The following TRPM1 variants were observed in gnomAD, a reference collection of about 807,000 sequenced individuals.
TRPM1 encodes the protein TRPM1-203 APA Isoform, Intron 10.
TRPM1 carries 113 observed loss-of-function variants against 149.4 expected under a neutral mutation model. That is an observed-to-expected ratio of 0.76 (90% confidence interval 0.65 to 0.88). The LOEUF is 0.88. Ranked by LOEUF, TRPM1 falls within the 40% of genes least tolerant of loss-of-function variation. The pLI is 0.00. For synonymous variants in TRPM1, 741 were observed against 759.5 expected (o/e 0.98, Z 0.40); for missense variants, 1,976 against 2,038.7 (o/e 0.97, Z 0.59).
chr15:31,130,841 C>T lies in TRPM1; in HGVS notation c.54+30065G>A, dbSNP rs181400381. On this transcript the variant is annotated intron_variant, in intron 1 of 26. Transcript: ENST00000542188. ...ATTATCCTTAAAAGACCCTAGTCTC[C>T]GAATGTTCAGGGAGACTGATTTGAG... Among the ~76,000 whole-genome samples the T allele has an allele frequency of 7.9e-5, 12 of 152,206 alleles. No homozygotes were observed. In the East Asian group the frequency reaches 2.1e-3, roughly 27 times the overall value.
At chr15:31,090,798 A>G (rs2035215289) in intron 1 of TRPM1, among the ~76,000 whole-genome samples, 2 of 152,082 alleles carry the variant, frequency 1.3e-5, no homozygotes, top group South Asian at 2.1e-4. Flanking sequence ...AGTGTGGTGG[A>G]AGGAGAACTT....
At chr15:31,061,067 G>A (rs1312748607) in intron 10 of TRPM1, among the ~76,000 whole-genome samples, 2 of 152,196 alleles carry the variant, frequency 1.3e-5, no homozygotes, top group African/African-American at 4.8e-5. Context: ...CTCCCCGCCC[G>A]GCCATGAACG....
Position 31,061,497 on chromosome 15 carries a change from C to G in TRPM1, c.1107G>C (p.Met369Ile). 6.2e-7 allele frequency: 1 copy of G among 1,614,048 alleles called. No individual in the cohort carries two copies. The highest frequency in any genetic ancestry group is 2.2e-5 in the East Asian group (1 of 44,872). ...CGATGTCCTGCTGGCCCTCAGAACCCATTCTGAACACAGTGACCTGAAAAT... is the reference window on the plus strand; with the variant it reads ...CGATGTCCTGCTGGCCCTCAGAACCGATTCTGAACACAGTGACCTGAAAAT... ...KKKELVTVFR[M>I]GSEGQQDIEM... The change falls in exon 10 of 28, where the codon ATG (methionine) becomes ATC (isoleucine). Residue 369 changes from methionine (M) to isoleucine (I), a missense_variant. This residue lies in a region of TRPM1 where 1,332 missense variants were observed against 1,347.1 expected (regional missense o/e 0.99). Transcript: ENST00000256552.
chr15:31,089,511 G>C (rs2035159126), intron 1 of TRPM1, among the ~76,000 whole-genome samples: 1 of 152,232 alleles, frequency 6.6e-6, no homozygotes, highest in African/African-American at 2.4e-5. Flanking sequence ...GGGGAGGCCT[G>C]TGTGCAATAG....
chr15:31,098,408 C>T (rs780329485), intron 1 of TRPM1, among the ~76,000 whole-genome samples: 1 of 152,136 alleles, frequency 6.6e-6, no homozygotes, highest in Non-Finnish European at 1.5e-5. Context: ...CCAGCCTGAG[C>T]AACAGAGCAA....
intron 1 of TRPM1, among the ~76,000 whole-genome samples, chr15:31,143,533 G>A (rs1179390889): frequency 6.6e-6 from 1 of 151,986 alleles, no homozygotes; most frequent in South Asian, 2.1e-4. Flanking sequence ...TCCTACCTCC[G>A]CCTCCTGAGT....
rs1198181594 is a variant in TRPM1 at position 31,037,852 on chromosome 15, A to G, written c.2440-10T>C. On this transcript the variant is annotated splice_polypyrimidine_tract_variant and intron_variant, in intron 19 of 27. Transcript: ENST00000256552. Reference sequence around the variant, plus strand: ...CATCTGCATTTGCATCCTGGAAAACAGAGCACAGCACATGACAGGCAGGTG... The same window carrying G: ...CATCTGCATTTGCATCCTGGAAAACGGAGCACAGCACATGACAGGCAGGTG... The G allele has an allele frequency of 1.2e-6, 2 of 1,614,032 alleles. No homozygotes were observed. Among genetic ancestry groups the G allele is most frequent in the African/African-American group, 1.3e-5 (1 of 74,940 alleles).
intron 1 of TRPM1, among the ~76,000 whole-genome samples, chr15:31,145,924 A>C (rs962679298): frequency 2.4e-4 from 37 of 152,030 alleles, no homozygotes; most frequent in Admixed American, 1.8e-3. Context: ...AGATACAAAA[A>C]AAAAACAAAA....
intron 1 of TRPM1, among the ~76,000 whole-genome samples, chr15:31,150,428 T>C (rs1422679284): frequency 6.9e-6 from 1 of 144,268 alleles, no homozygotes; most frequent in African/African-American, 2.6e-5. Flanking sequence ...GAATTTTTTC[T>C]TTTCCTTTTT....
intron 1 of TRPM1, among the ~76,000 whole-genome samples, chr15:31,088,317 A>G (rs574475154): frequency 2.6e-5 from 4 of 152,352 alleles, no homozygotes; most frequent in East Asian, 1.9e-4. Flanking sequence ...AGCCCTGGCA[A>G]TCCGCTCGGG....
intron 1 of TRPM1, among the ~76,000 whole-genome samples, chr15:31,095,445 G>A (rs928861556): frequency 3.9e-5 from 6 of 152,166 alleles, no homozygotes; most frequent in Non-Finnish European, 7.3e-5. Flanking sequence ...AGCACTTTGG[G>A]AGGCCGAGGC....
chr15:31,157,792 C>A (rs11631001), intron 1 of TRPM1, among the ~76,000 whole-genome samples: 55,532 of 151,916 alleles, frequency 0.37, 10,328 homozygotes, highest in Admixed American at 0.48. Context: ...AGCTGGCCAG[C>A]CAAGGACAAA....
intron 11 of TRPM1, among the ~76,000 whole-genome samples, chr15:31,056,285 G>T (rs1055106802): frequency 6.6e-6 from 1 of 152,182 alleles, no homozygotes; most frequent in African/African-American, 2.4e-5. Flanking sequence ...TCACAGAGCT[G>T]ATTCAGGTCT....
intron 1 of TRPM1, among the ~76,000 whole-genome samples, chr15:31,149,864 C>G (rs2036276128): frequency 6.6e-6 from 1 of 152,212 alleles, no homozygotes. Flanking sequence ...CTGCCAATTT[C>G]TTCAATTCTG....
In TRPM1 at chr15:31,146,645, A is replaced by G. The variant is rs150995075; in HGVS notation, c.54+14261T>C. On this transcript the variant is annotated intron_variant, in intron 1 of 26. Coordinates refer to the TRPM1 transcript ENST00000542188. ...ATATTAACCAATCCATGAGTTTTCT[A>G]TTTTTTAGTCTCCCGGTCCCTGCAT... is the stretch of plus-strand genomic sequence containing the variant. 3.5e-3 allele frequency among the ~76,000 whole-genome samples: 530 copies of G among 152,324 alleles called. 3 individuals carry two copies. The highest frequency in any genetic ancestry group is 0.012 in the African/African-American group (509 of 41,560).
chr15:31,098,936 A>G (rs2035454857), intron 1 of TRPM1, among the ~76,000 whole-genome samples: 2 of 152,256 alleles, frequency 1.3e-5, no homozygotes, highest in South Asian at 2.1e-4. Context: ...CTGTGGCCTG[A>G]TGTTAACTTG....
intron 11 of TRPM1, among the ~76,000 whole-genome samples, chr15:31,053,014 T>C (rs2033987234): frequency 6.6e-6 from 1 of 152,188 alleles, no homozygotes; most frequent in Non-Finnish European, 1.5e-5. Flanking sequence ...TTGTACATCA[T>C]GTATATGATA....
At chr15:31,128,519 G>A (rs2035979319) in intron 1 of TRPM1, among the ~76,000 whole-genome samples, 1 of 152,170 alleles carries the variant, frequency 6.6e-6, no homozygotes, top group South Asian at 2.1e-4. Flanking sequence ...CCAAGCCTCG[G>A]GAGCTCTTTG....
At chr15:31,129,067 A>G (rs1340555298) in intron 1 of TRPM1, among the ~76,000 whole-genome samples, 1 of 152,178 alleles carries the variant, frequency 6.6e-6, no homozygotes, top group East Asian at 1.9e-4. Flanking sequence ...GAGGCTCACG[A>G]GTCAAAGGCT....
Sources: gnomAD v4.1 joint callset for allele counts (sites outside exome capture counted in the v4.1 genomes callset) on GRCh38, gnomAD v4.1.1 for gene constraint, gnomAD v4.1.1 regional missense constraint, MANE v1.5 for transcripts, NCBI Gene and HGNC (gene_info 2026-07-23, HGNC 2026-07-21) for gene names.